The following SH3GL3 variants were observed in gnomAD, a reference collection of about 807,000 sequenced individuals.
The protein encoded by SH3GL3 is SH3 domain containing GRB2 like 3, endophilin A3.
A neutral mutation model predicts 47.7 loss-of-function variants in SH3GL3; 33 were observed. The observed-to-expected ratio is 0.69, with a 90% CI of 0.52 to 0.92. SH3GL3 has a LOEUF of 0.92. SH3GL3 is among the 40% of genes least tolerant of loss of function. The pLI is 0.00. For synonymous variants in SH3GL3, 155 were observed against 148.8 expected (o/e 1.04, Z -0.30); for missense variants, 363 against 417.8 (o/e 0.87, Z 1.14).
At chr15:83,574,532 C>T (rs187936476) in intron 5 of SH3GL3, among the ~76,000 whole-genome samples, 61 of 152,284 alleles carry the variant, frequency 4.0e-4, no homozygotes, top group Non-Finnish European at 6.9e-4. Context: ...CATTTACACA[C>T]AGCACAGCTG....
At chr15:83,510,476 A>G (rs373778682) in intron 1 of SH3GL3, among the ~76,000 whole-genome samples, 1 of 152,204 alleles carries the variant, frequency 6.6e-6, no homozygotes, top group African/African-American at 2.4e-5. Context: ...TTTATTATGT[A>G]AAGACATTGT....
rs1475765384 is a variant in SH3GL3, at chr15:83,464,990, T to TAAA, written c.45+17414_45+17415insAAA. Among the ~76,000 whole-genome samples the TAAA allele has an allele frequency of 4.3e-5, 3 of 70,574 alleles. No individual in the cohort carries two copies. The Admixed American group carries it at 4.3e-4, about 10-fold the overall frequency. 46.3% of individuals were successfully genotyped at this position (70,574 alleles called of 152,430 possible). A position where few individuals can be genotyped will look rare whatever the true frequency, so the allele number is the denominator to read the frequency against. ...CACATGTACCCTAGAACTTAAAGTA[T>TAAA]AATAATAATAATAATAATAATAATA... On this transcript the variant is annotated intron_variant, in intron 1 of 8. Coordinates refer to ENST00000427482, the MANE Select transcript of SH3GL3 (RefSeq NM_003027.5).
intron 3 of SH3GL3, among the ~76,000 whole-genome samples, chr15:83,567,727 C>T (rs2045618711): frequency 2.6e-5 from 4 of 152,196 alleles, no homozygotes; most frequent in South Asian, 2.1e-4. Flanking sequence ...CGTGCGCGCG[C>T]ATGTGGTGTG....
chr15:83,509,072 G>A (rs989686738), intron 1 of SH3GL3, among the ~76,000 whole-genome samples: 1 of 152,200 alleles, frequency 6.6e-6, no homozygotes, highest in African/African-American at 2.4e-5. Flanking sequence ...GCATTTTAGC[G>A]TGCATTAAGA....
intron 1 of SH3GL3, among the ~76,000 whole-genome samples, chr15:83,473,697 G>A (rs559948042): frequency 3.0e-4 from 46 of 151,654 alleles, no homozygotes; most frequent in African/African-American, 1.1e-3. Context: ...ACAGGCACCC[G>A]CCACCACGTC....
rs188998715 is a variant in SH3GL3, at chr15:83,617,037, A to G, written c.839-1045A>G. Among the ~76,000 whole-genome samples, 8 of 152,342 alleles carry G rather than the reference A, an allele frequency of 5.3e-5. No individual in the cohort carries two copies. In the East Asian group the frequency reaches 1.5e-3, roughly 29 times the overall value. On this transcript the variant is annotated intron_variant, in intron 8 of 8. Transcript: ENST00000427482. Reference sequence around the variant, plus strand: ...AATATATGCACAAATATAATCATGAAGACATCTGGAATCTGAAAGCTAGCC... The same window carrying G: ...AATATATGCACAAATATAATCATGAGGACATCTGGAATCTGAAAGCTAGCC...
At chr15:83,449,646 G>A (rs941810485) in intron 1 of SH3GL3, among the ~76,000 whole-genome samples, 10 of 152,000 alleles carry the variant, frequency 6.6e-5, no homozygotes, top group Admixed American at 1.3e-4. Context: ...TGCTAGTCAT[G>A]GGTAGTTTGG....
At chr15:83,450,802 T>A (rs866162530) in intron 1 of SH3GL3, among the ~76,000 whole-genome samples, 2,729 of 18,606 alleles carry the variant, frequency 0.15, 109 homozygotes, top group Admixed American at 0.31. Flanking sequence ...TTTTTTTTTT[T>A]AATTTTTTTT....
At chr15:83,630,861 A>T in the SH3GL3 span, among the ~76,000 whole-genome samples, 1 of 152,062 alleles carries the variant, frequency 6.6e-6, no homozygotes, top group African/African-American at 2.4e-5. Context: ...TCAAAACACA[A>T]TCATGCCCTT....
At chr15:83,567,000 A>G (rs1347194289) in intron 3 of SH3GL3, among the ~76,000 whole-genome samples, 4 of 152,190 alleles carry the variant, frequency 2.6e-5, no homozygotes, top group African/African-American at 9.7e-5. Context: ...AATAGTACAA[A>G]ATTATTAAAG....
intron 1 of SH3GL3, among the ~76,000 whole-genome samples, chr15:83,534,139 G>A (rs745521583): frequency 7.9e-5 from 12 of 152,112 alleles, no homozygotes; most frequent in South Asian, 2.1e-4. Context: ...TCTTGCTCCC[G>A]TGAATGGAGA....
intron 1 of SH3GL3, among the ~76,000 whole-genome samples, chr15:83,551,758 G>A (rs1206300285): frequency 2.0e-5 from 3 of 152,082 alleles, no homozygotes; most frequent in African/African-American, 7.2e-5. Flanking sequence ...TTATTATGCT[G>A]TTTCCTGTTA....
intron 1 of SH3GL3, among the ~76,000 whole-genome samples, chr15:83,467,814 T>C (rs1353279469): frequency 1.3e-5 from 2 of 152,076 alleles, no homozygotes; most frequent in Non-Finnish European, 2.9e-5. Flanking sequence ...AAAGGTATTG[T>C]ATTTTCTTTT....
chr15:83,551,862 G>C (rs2044685940), intron 1 of SH3GL3, among the ~76,000 whole-genome samples: 1 of 152,156 alleles, frequency 6.6e-6, no homozygotes, highest in Non-Finnish European at 1.5e-5. Flanking sequence ...CAATTGTGTA[G>C]ATAATCATTA....
At chr15:83,526,800 C>A (rs758687883) in intron 1 of SH3GL3, among the ~76,000 whole-genome samples, 1 of 152,016 alleles carries the variant, frequency 6.6e-6, no homozygotes, top group Non-Finnish European at 1.5e-5. Flanking sequence ...TGCACATGTA[C>A]CCCTGAACTT....
intron 8 of SH3GL3, among the ~76,000 whole-genome samples, chr15:83,616,204 G>C (rs1023526925): frequency 1.3e-5 from 2 of 148,716 alleles, no homozygotes; most frequent in African/African-American, 4.9e-5. Context: ...TGGTGCAAAA[G>C]TAATTGCAGG....
intron 1 of SH3GL3, among the ~76,000 whole-genome samples, chr15:83,504,837 T>TGG (rs1278783862): frequency 2.6e-5 from 4 of 152,216 alleles, no homozygotes; most frequent in Non-Finnish European, 5.9e-5. Flanking sequence ...CTGCTGAGTT[T>TGG]GGGGGTAATT....
At chr15:83,613,049 G>C (rs2060713397) in intron 8 of SH3GL3, among the ~76,000 whole-genome samples, 1 of 152,232 alleles carries the variant, frequency 6.6e-6, no homozygotes, top group Admixed American at 6.5e-5. Flanking sequence ...AGCTCCTTGG[G>C]TTGAGGGCCC....
intron 1 of SH3GL3, among the ~76,000 whole-genome samples, chr15:83,500,226 T>A (rs1264391215): frequency 6.6e-6 from 1 of 152,222 alleles, no homozygotes; most frequent in Non-Finnish European, 1.5e-5. Context: ...GTTATTGTGC[T>A]GTCCTTGATT....
Sources: allele counts gnomAD v4.1 joint callset (sites outside exome capture counted in the v4.1 genomes callset), GRCh38; gene constraint gnomAD v4.1.1; transcripts MANE v1.5; gene names NCBI Gene and HGNC (gene_info 2026-07-23, HGNC 2026-07-21).